The following OR2M5 variants were observed in gnomAD, a reference collection of about 807,000 sequenced individuals.
OR2M5 encodes olfactory receptor 2M5.
For missense variants in OR2M5, 413 were observed against 389.3 expected (o/e 1.06, Z -0.51); for synonymous variants, 164 against 139.6 (o/e 1.18, Z -1.23).
chr1:248,145,829 A>C lies in OR2M5; in HGVS notation c.682A>C (p.Met228Leu). The C allele has an allele frequency of 6.2e-7, 1 of 1,613,222 alleles. No individual in the cohort carries two copies. The highest frequency in any genetic ancestry group is 8.5e-7 in the Non-Finnish European group (1 of 1,179,800). Residue 228 changes from methionine to leucine, a missense_variant, in exon 1 of 1, where the codon ATG (methionine) becomes CTG (leucine). Met to Leu is a conservative substitution (Grantham distance 15). Transcript: ENST00000366476. ...YARVILAVIHMGSGEGRRKAF... is the reference protein window; with the variant it reads ...YARVILAVIHLGSGEGRRKAF... ...TCGAGTTATTCTGGCTGTCATTCACATGGGATCTGGAGAGGGTCGTCGCAA... is the reference window on the plus strand; with the variant it reads ...TCGAGTTATTCTGGCTGTCATTCACCTGGGATCTGGAGAGGGTCGTCGCAA...
chr1:248,145,484 T>C lies in OR2M5; in HGVS notation c.337T>C (p.Phe113Leu). The C allele has an allele frequency of 6.2e-7, 1 of 1,614,052 alleles. No individual in the cohort carries two copies. The highest frequency in any genetic ancestry group is 8.5e-7 in the Non-Finnish European group (1 of 1,179,952). Residue 113 changes from phenylalanine (F) to leucine (L), a missense_variant, in exon 1 of 1, where the codon TTT becomes CTT. By Grantham distance (22) the Phe-to-Leu change is conservative. Coordinates refer to ENST00000366476, the MANE Select transcript of OR2M5 (RefSeq NM_001004690.1). ...FYVSLLGSEC[F>L]LLAVMSYDRY... ...TGTATCACTGCTTGGCTCCGAATGC[T>C]TTCTGTTGGCTGTTATGTCTTATGA...
Position 248,145,858 on chromosome 1 carries a change from T to G in OR2M5, c.711T>G (p.Ala237=). 1 of 1,613,554 alleles carries G rather than the reference T, an allele frequency of 6.2e-7. No individual in the cohort carries two copies. The highest frequency in any genetic ancestry group is 8.5e-7 in the Non-Finnish European group (1 of 1,179,828). The change falls in exon 1 of 1, where the codon GCT becomes GCG. Residue 237 remains alanine (A), a synonymous_variant. Transcript: ENST00000366476. ...HMGSGEGRRK[A]FTTCSSHLMV... is the part of the protein sequence containing the mutation. ...GATCTGGAGAGGGTCGTCGCAAAGC[T>G]TTTACTACCTGTTCCTCTCACCTCA...
rs772085254 is a variant in OR2M5 at position 248,145,261 on chromosome 1, C to T, written c.114C>T (p.Ala38=). 2 of 1,614,008 alleles carry T rather than the reference C, an allele frequency of 1.2e-6. No homozygotes were observed. The highest frequency in any genetic ancestry group is 2.2e-5 in the East Asian group (1 of 44,878). ...FFLVLAIFSV[A]FMGNSVMVLL... The stretch of plus-strand genomic sequence containing the variant: ...TGGTCCTGGCCATCTTTTCAGTGGC[C>T]TTCATGGGAAACTCTGTCATGGTTC... Residue 38 remains alanine (A), a synonymous_variant, in exon 1 of 1, where the codon GCC becomes GCT. Transcript: ENST00000366476.
In OR2M5 at chr1:248,146,048, C is replaced by T. The variant is rs750986646; in HGVS notation, c.901C>T (p.Leu301Phe). The T allele has an allele frequency of 8.1e-6, 13 of 1,613,502 alleles. No individual in the cohort carries two copies. The South Asian group carries it at 1.4e-4, about 18-fold the overall frequency. The change falls in exon 1 of 1, where the codon CTC becomes TTC. Residue 301 changes from leucine (L) to phenylalanine (F), a missense_variant. Physicochemically the swap from Leu to Phe is conservative, Grantham distance 22 (BLOSUM62 0). Transcript: ENST00000366476. ...SLRNKEVTRA[L>F]RKVLGKGKCG... ...CCGCAACAAGGAGGTGACCAGAGCA[C>T]TCAGGAAAGTGTTAGGAAAGGGCAA...
chr1:248,145,410 G>T lies in OR2M5; in HGVS notation c.263G>T (p.Gly88Val), dbSNP rs1326812116. 3 of 1,613,986 alleles carry T rather than the reference G, an allele frequency of 1.9e-6. No individual in the cohort carries two copies. The highest frequency in any genetic ancestry group is 1.1e-5 in the South Asian group (1 of 91,072). Reference protein sequence around the residue: ...VPKMAFNYLSGSKSISMAGCA... With the variant: ...VPKMAFNYLSVSKSISMAGCA... ...AAGATGGCCTTCAACTACTTGTCTG[G>T]CAGCAAGTCCATTTCTATGGCTGGT... The change falls in exon 1 of 1, where the codon GGC becomes GTC. Residue 88 changes from glycine (G) to valine (V), a missense_variant. Gly to Val is a moderately radical substitution (Grantham distance 109). Coordinates refer to ENST00000366476, the MANE Select transcript of OR2M5 (RefSeq NM_001004690.1).
Position 248,145,599 on chromosome 1 carries a change from T to C in OR2M5, c.452T>C (p.Leu151Pro), listed in dbSNP as rs1245726676. The C allele has an allele frequency of 2.5e-6, 4 of 1,613,428 alleles. No homozygotes were observed. In the Admixed American group the frequency reaches 5.0e-5, roughly 20 times the overall value. The change falls in exon 1 of 1, where the codon CTG becomes CCG. Residue 151 changes from leucine (L) to proline (P), a missense_variant. Physicochemically the swap from Leu to Pro is moderately conservative, Grantham distance 98. Coordinates refer to ENST00000366476, the MANE Select transcript of OR2M5 (RefSeq NM_001004690.1). ...CGLMTAFSWI[L>P]GSMDAIIDAV... ...CTTATGACTGCCTTCTCCTGGATCC[T>C]GGGCTCTATGGATGCAATCATTGAT...
chr1:248,146,067 AG>A lies in OR2M5; in HGVS notation c.923del (p.Gly308AlafsTer?). 6.2e-7 allele frequency: 1 copy of A among 1,612,398 alleles called. No individual in the cohort carries two copies. The highest frequency in any genetic ancestry group is 8.5e-7 in the Non-Finnish European group (1 of 1,179,076). ...VTRALRKVLG[K>X]GKCGE ...AGAGCACTCAGGAAAGTGTTAGGAA[AG>A]GGCAAGTGTGGAGAGTGAGTACTTT... On this transcript the variant is annotated frameshift_variant, in exon 1 of 1. Coordinates refer to ENST00000366476, the MANE Select transcript of OR2M5 (RefSeq NM_001004690.1). LOFTEE classifies it low-confidence loss of function (END_TRUNC).
rs144986915 is a variant in OR2M5, at chr1:248,145,964, C to T, written c.817C>T (p.Leu273=). 1 of 1,613,932 alleles carries T rather than the reference C, an allele frequency of 6.2e-7. No homozygotes were observed. The highest frequency in any genetic ancestry group is 1.7e-5 in the Admixed American group (1 of 59,984). Residue 273 remains leucine, a synonymous_variant, in exon 1 of 1, where the codon CTG becomes TTG. Coordinates refer to ENST00000366476, the MANE Select transcript of OR2M5 (RefSeq NM_001004690.1). ...TGATCGCTCCCCTATGCAGGACAAG[C>T]TGGTGTCTGTATTCTACACCATCCT... is the stretch of plus-strand genomic sequence containing the variant. ...TSDRSPMQDK[L]VSVFYTILTP... is the part of the protein sequence containing the mutation.
rs1321443300 is a variant in OR2M5, at chr1:248,145,936, A to C, written c.789A>C (p.Thr263=). The change falls in exon 1 of 1, where the codon ACA becomes ACC. Residue 263 remains threonine, a synonymous_variant. Coordinates refer to ENST00000366476, the MANE Select transcript of OR2M5 (RefSeq NM_001004690.1). ...GAGLFMYIRP[T]SDRSPMQDKL... is the part of the protein sequence containing the mutation. ...GTTTGTTCATGTACATACGGCCCACATCTGATCGCTCCCCTATGCAGGACA... is the reference window on the plus strand; with the variant it reads ...GTTTGTTCATGTACATACGGCCCACCTCTGATCGCTCCCCTATGCAGGACA... The C allele has an allele frequency of 2.5e-6, 4 of 1,613,978 alleles. No homozygotes were observed. The highest frequency in any genetic ancestry group is 1.7e-5 in the Admixed American group (1 of 59,986).
Position 248,146,075 on chromosome 1 carries a change from T to C in OR2M5, c.928T>C (p.Cys310Arg). The C allele has an allele frequency of 1.9e-6, 3 of 1,609,944 alleles. No homozygotes were observed. Among genetic ancestry groups the C allele is most frequent in the Non-Finnish European group, 2.5e-6 (3 of 1,177,782 alleles). The change falls in exon 1 of 1, where the codon TGT becomes CGT. Residue 310 changes from cysteine to arginine, a missense_variant. By Grantham distance (180) the Cys-to-Arg change is radical. Coordinates refer to ENST00000366476, the MANE Select transcript of OR2M5 (RefSeq NM_001004690.1). ...ALRKVLGKGK[C>R]GE ...CAGGAAAGTGTTAGGAAAGGGCAAG[T>C]GTGGAGAGTGAGTACTTTGTAAACT...
At position 248,145,570 on chromosome 1, in the gene OR2M5, T is replaced by TG. The variant is rs771621256; in HGVS notation, c.425dup (p.Leu143ThrfsTer17). 6.2e-7 allele frequency: 1 copy of TG among 1,613,892 alleles called. No individual in the cohort carries two copies. The highest frequency in any genetic ancestry group is 1.1e-5 in the South Asian group (1 of 91,064). ...CCAATCTCATGAGACCCAAAATTTGTGGACTTATGACTGCCTTCTCCTGGA... is the reference window on the plus strand; with the variant it reads ...CCAATCTCATGAGACCCAAAATTTGTGGGACTTATGACTGCCTTCTCCTGGA... On this transcript the variant is annotated frameshift_variant, in exon 1 of 1. Transcript: ENST00000366476. LOFTEE classifies it low-confidence loss of function (END_TRUNC).
Position 248,145,926 on chromosome 1 carries a change from T to G in OR2M5, c.779T>G (p.Ile260Arg). 6.2e-7 allele frequency: 1 copy of G among 1,613,994 alleles called. No individual in the cohort carries two copies. The highest frequency in any genetic ancestry group is 8.5e-7 in the Non-Finnish European group (1 of 1,179,934). The change falls in exon 1 of 1, where the codon ATA becomes AGA. Residue 260 changes from isoleucine to arginine, a missense_variant. Coordinates refer to ENST00000366476, the MANE Select transcript of OR2M5 (RefSeq NM_001004690.1). ...TATGGAGCAGGTTTGTTCATGTACA[T>G]ACGGCCCACATCTGATCGCTCCCCT... ...MYYGAGLFMY[I>R]RPTSDRSPMQ...
At position 248,145,884 on chromosome 1, in the gene OR2M5, T is replaced by C. The variant is rs1413359514; in HGVS notation, c.737T>C (p.Met246Thr). The C allele has an allele frequency of 1.2e-6, 2 of 1,613,822 alleles. No individual in the cohort carries two copies. Among genetic ancestry groups the C allele is most frequent in the African/African-American group, 2.7e-5 (2 of 74,896 alleles). The change falls in exon 1 of 1, where the codon ATG becomes ACG. Residue 246 changes from methionine to threonine, a missense_variant. Coordinates refer to ENST00000366476, the MANE Select transcript of OR2M5 (RefSeq NM_001004690.1). ...TTTACTACCTGTTCCTCTCACCTCA[T>C]GGTGGTGGGAATGTACTATGGAGCA... ...KAFTTCSSHLMVVGMYYGAGL... is the reference protein window; with the variant it reads ...KAFTTCSSHLTVVGMYYGAGL...
Position 248,145,187 on chromosome 1 carries a change from C to A in OR2M5, c.40C>A (p.Leu14Ile), listed in dbSNP as rs374961330. 5 of 1,613,638 alleles carry A rather than the reference C, an allele frequency of 3.1e-6. No individual in the cohort carries two copies. The African/African-American group carries it at 6.7e-5, about 22-fold the overall frequency. ...ENQTFNSDFI[L>I]LGIFNHSPTH... is the part of the protein sequence containing the mutation. ...TCAGACCTTCAACTCTGACTTCATC[C>A]TCCTGGGAATCTTCAATCACAGCCC... Residue 14 changes from leucine (L) to isoleucine (I), a missense_variant, in exon 1 of 1, where the codon CTC becomes ATC. Leu to Ile is a conservative substitution (Grantham distance 5, BLOSUM62 2). Coordinates refer to ENST00000366476, the MANE Select transcript of OR2M5 (RefSeq NM_001004690.1).
Position 248,145,317 on chromosome 1 carries a change from C to T in OR2M5, c.170C>T (p.Thr57Ile). 6.2e-7 allele frequency: 1 copy of T among 1,614,020 alleles called. No individual in the cohort carries two copies. The highest frequency in any genetic ancestry group is 1.7e-5 in the Admixed American group (1 of 59,994). Residue 57 changes from threonine (T) to isoleucine (I), a missense_variant, in exon 1 of 1, where the codon ACC (threonine) becomes ATC (isoleucine). Physicochemically the swap from Thr to Ile is moderately conservative, Grantham distance 89. Coordinates refer to ENST00000366476, the MANE Select transcript of OR2M5 (RefSeq NM_001004690.1). The stretch of plus-strand genomic sequence containing the variant: ...ATCTACCTGGACACCCAGCTCCACA[C>T]CCCCATGTACTTCCTCCTCAGTCAA... ...LLIYLDTQLH[T>I]PMYFLLSQLF...
Position 248,145,993 on chromosome 1 carries a change from TC to T in OR2M5, c.849del (p.Met284CysfsTer2). 1 of 1,613,818 alleles carries T rather than the reference TC, an allele frequency of 6.2e-7. No individual in the cohort carries two copies. The highest frequency in any genetic ancestry group is 8.5e-7 in the Non-Finnish European group (1 of 1,179,892). ...TGTCTGTATTCTACACCATCCTCAC[TC>T]CCATGCTGAATCCCCTCATCTACAG... is the stretch of plus-strand genomic sequence containing the variant. ...LVSVFYTILT[P>X]MLNPLIYSLR... On this transcript the variant is annotated frameshift_variant, in exon 1 of 1. Transcript: ENST00000366476. LOFTEE classifies it low-confidence loss of function (END_TRUNC).
rs149655885 is a variant in OR2M5, at chr1:248,145,745, T to A, written c.598T>A (p.Phe200Ile). The A allele has an allele frequency of 3.3e-5, 54 of 1,613,760 alleles. 1 individual carries two copies. The African/African-American group carries it at 3.9e-4, about 12-fold the overall frequency. ...NDTSIFEKVLFICCIVMIVFP... is the reference protein window; with the variant it reads ...NDTSIFEKVLIICCIVMIVFP... ...CACATCAATATTTGAAAAGGTTCTT[T>A]TCATCTGCTGTATAGTAATGATTGT... Residue 200 changes from phenylalanine to isoleucine, a missense_variant, in exon 1 of 1, where the codon TTC becomes ATC. Phe to Ile is a conservative substitution (Grantham distance 21). Transcript: ENST00000366476.
chr1:248,145,454 T>C lies in OR2M5; in HGVS notation c.307T>C (p.Phe103Leu), dbSNP rs763436934. The C allele has an allele frequency of 6.2e-7, 1 of 1,613,962 alleles. No individual in the cohort carries two copies. The highest frequency in any genetic ancestry group is 1.3e-5 in the African/African-American group (1 of 74,906). Residue 103 changes from phenylalanine to leucine, a missense_variant, in exon 1 of 1, where the codon TTC (phenylalanine) becomes CTC (leucine). Phe to Leu is a conservative substitution (Grantham distance 22). Coordinates refer to ENST00000366476, the MANE Select transcript of OR2M5 (RefSeq NM_001004690.1). ...SMAGCATQIF[F>L]YVSLLGSECF... ...GGCTGGTTGTGCCACACAAATTTTC[T>C]TCTATGTATCACTGCTTGGCTCCGA...
Position 248,145,661 on chromosome 1 carries a change from C to A in OR2M5, c.514C>A (p.Arg172=), listed in dbSNP as rs765353118. The A allele has an allele frequency of 5.6e-6, 9 of 1,613,646 alleles. No individual in the cohort carries two copies. In the African/African-American group the frequency reaches 1.1e-4, roughly 19 times the overall value. ...ATFSFSYCGS[R]EIAHFFCDFP... ...ATTTTCCTTCTCCTACTGTGGGTCT[C>A]GGGAAATAGCCCACTTCTTCTGTGA... is the stretch of plus-strand genomic sequence containing the variant. Residue 172 remains arginine, a synonymous_variant, in exon 1 of 1, where the codon CGG becomes AGG. Coordinates refer to ENST00000366476, the MANE Select transcript of OR2M5 (RefSeq NM_001004690.1).
Sources: gnomAD v4.1 joint callset for allele counts on GRCh38, gnomAD v4.1.1 for gene constraint, MANE v1.5 for transcripts, NCBI Gene and HGNC (gene_info 2026-07-23, HGNC 2026-07-21) for gene names.